PDE11A: variants seen among roughly 807,000 people sequenced by gnomAD.
The protein encoded by PDE11A is phosphodiesterase 11A, also known as dual 3',5'-cyclic-AMP and -GMP phosphodiesterase 11A.
PDE11A carries 100 observed loss-of-function variants against 100.5 expected under a neutral mutation model. That is an observed-to-expected ratio of 1.00 (90% confidence interval 0.85 to 1.18). The LOEUF (loss-of-function observed/expected upper bound fraction) is 1.18, where lower values mean the gene tolerates loss of function less well. Ranked by LOEUF, PDE11A falls within the 50% of genes most tolerant of loss-of-function variation. The pLI, the probability that PDE11A is intolerant of heterozygous loss-of-function variation, is 0.00. For synonymous variants in PDE11A, 381 were observed against 420.8 expected (o/e 0.91, Z 1.16); for missense variants, 1,141 against 1,152.6 (o/e 0.99, Z 0.15).
chr2:177,638,596 G>C (rs2080089700), intron 19 of PDE11A, among the ~76,000 whole-genome samples: 1 of 150,972 alleles, frequency 6.6e-6, no homozygotes, highest in Non-Finnish European at 1.5e-5. Flanking sequence ...TTGGGTGATG[G>C]ATTTTTTTTC....
At chr2:177,719,531 C>G (rs561791557) in intron 12 of PDE11A, among the ~76,000 whole-genome samples, 1 of 152,080 alleles carries the variant, frequency 6.6e-6, no homozygotes, top group Non-Finnish European at 1.5e-5. Context: ...GGAAAAAGTA[C>G]GGCTCAGACA....
chr2:177,690,234 A>C (rs2081023181), intron 15 of PDE11A, among the ~76,000 whole-genome samples: 1 of 152,220 alleles, frequency 6.6e-6, no homozygotes, highest in Non-Finnish European at 1.5e-5. Context: ...TAATGTTATA[A>C]TAATATATAA....
chr2:178,008,098 A>T (rs1421535912), intron 2 of PDE11A, among the ~76,000 whole-genome samples: 2 of 152,188 alleles, frequency 1.3e-5, no homozygotes, highest in African/African-American at 2.4e-5. Context: ...ACACAAAGGG[A>T]ATTTTTAAAT....
At chr2:177,862,733 T>C (rs560350821) in intron 5 of PDE11A, among the ~76,000 whole-genome samples, 1 of 151,906 alleles carries the variant, frequency 6.6e-6, no homozygotes, top group African/African-American at 2.4e-5. Context: ...TTGGAAGAAG[T>C]AATATTGTTA....
At chr2:177,772,969 A>T (rs1049633797) in intron 9 of PDE11A, among the ~76,000 whole-genome samples, 4 of 134,046 alleles carry the variant, frequency 3.0e-5, no homozygotes, top group African/African-American at 1.3e-4. Context: ...AGAAGTTTTA[A>T]ATTTTGATAA....
At chr2:177,663,816 T>C (rs890503969) in intron 19 of PDE11A, 50 bp downstream of exon 19, 1 of 1,037,624 alleles carries the variant, frequency 9.6e-7, no homozygotes, top group Admixed American at 1.7e-5. Context: ...ATACACACTT[T>C]TCCTTTTCTG....
At chr2:177,912,226 C>T (rs1265912146) in intron 2 of PDE11A, among the ~76,000 whole-genome samples, 1 of 152,116 alleles carries the variant, frequency 6.6e-6, no homozygotes, top group Non-Finnish European at 1.5e-5. Context: ...CTTCCATGTT[C>T]CCTTCTTAGG....
chr2:177,686,914 G>C (rs2080960752), intron 15 of PDE11A: 1 of 151,738 alleles, frequency 6.6e-6, no homozygotes, highest in Non-Finnish European at 1.5e-5. Context: ...ATGGTGTTTT[G>C]CTATGTTGGC....
chr2:177,905,067 A>C (rs754699358), intron 3 of PDE11A, 31 bp downstream of exon 3: 1 of 1,110,888 alleles, frequency 9.0e-7, no homozygotes, highest in Non-Finnish European at 1.4e-6. Flanking sequence ...GAGAGTTTTG[A>C]GGAGTGTCAA....
At chr2:177,959,854 A>G (rs1018984941) in intron 2 of PDE11A, among the ~76,000 whole-genome samples, 1 of 152,192 alleles carries the variant, frequency 6.6e-6, no homozygotes, top group African/African-American at 2.4e-5. Context: ...TTTTACTCCA[A>G]TTGTAATGCC....
At chr2:178,046,245 C>G (rs2086749445) in intron 1 of PDE11A, among the ~76,000 whole-genome samples, 1 of 152,140 alleles carries the variant, frequency 6.6e-6, no homozygotes, top group South Asian at 2.1e-4. Flanking sequence ...ATGAGCTCTT[C>G]ACCTGTGTGT....
chr2:177,775,340 A>G (rs1043314895), intron 9 of PDE11A, among the ~76,000 whole-genome samples: 4 of 152,178 alleles, frequency 2.6e-5, no homozygotes, highest in African/African-American at 7.2e-5. Flanking sequence ...ACTCCATCCA[A>G]TCAATTAGTA....
chr2:177,775,280 T>C (rs980880209), intron 9 of PDE11A, among the ~76,000 whole-genome samples: 1 of 152,178 alleles, frequency 6.6e-6, no homozygotes. Context: ...GAAACTAATA[T>C]ACCACACAAA....
At chr2:178,042,477 C>CA (rs11291265) in intron 1 of PDE11A, among the ~76,000 whole-genome samples, 13,816 of 138,396 alleles carry the variant, frequency 0.1, 826 homozygotes, top group Non-Finnish European at 0.15. Flanking sequence ...GACTCTGTCT[C>CA]AAAAAAAAAA....
intron 9 of PDE11A, among the ~76,000 whole-genome samples, chr2:177,796,819 G>A (rs1209290933): frequency 1.1e-4 from 16 of 152,082 alleles, no homozygotes; most frequent in Admixed American, 1.0e-3. Flanking sequence ...GTTCTCTTTC[G>A]CACACTGTGG....
At chr2:177,665,020 T>C (rs940195326) in intron 18 of PDE11A, among the ~76,000 whole-genome samples, 6 of 152,054 alleles carry the variant, frequency 3.9e-5, no homozygotes, top group Admixed American at 6.5e-5. Flanking sequence ...TATCTCCAAA[T>C]TGGGGAGAAG....
At chr2:177,775,718 A>C (rs1046766920) in intron 9 of PDE11A, among the ~76,000 whole-genome samples, 3 of 152,136 alleles carry the variant, frequency 2.0e-5, no homozygotes, top group African/African-American at 7.2e-5. Flanking sequence ...TCATCACCTC[A>C]TTGGTATCAT....
At chr2:177,790,840 C>G (rs947935466) in intron 9 of PDE11A, among the ~76,000 whole-genome samples, 8 of 152,256 alleles carry the variant, frequency 5.3e-5, no homozygotes, top group South Asian at 2.1e-4. Context: ...CAATGAGATA[C>G]CATCTCACAT....
intron 7 of PDE11A, among the ~76,000 whole-genome samples, chr2:177,819,822 A>G (rs2083103887): frequency 6.8e-6 from 1 of 146,064 alleles, no homozygotes; most frequent in South Asian, 2.1e-4. Flanking sequence ...CTTGCTATTA[A>G]CTTTGTGGCC....
Sources: gnomAD v4.1 joint callset for allele counts (sites outside exome capture counted in the v4.1 genomes callset) on GRCh38, gnomAD v4.1.1 for gene constraint, MANE v1.5 for transcripts, NCBI Gene and HGNC (gene_info 2026-07-23, HGNC 2026-07-21) for gene names.